Variants in XKR4 observed in about 807,000 individuals in gnomAD.
XKR4 encodes the protein XK related 4.
A neutral mutation model predicts 53.9 loss-of-function variants in XKR4; 12 were observed. The ratio of observed to expected loss-of-function variants is 0.22; its 90% confidence interval spans 0.14 to 0.36. XKR4 has a LOEUF of 0.36. Among genes scored for constraint, XKR4 ranks in the 10% least tolerant of loss-of-function variants. XKR4 has a pLI of 1.00. For missense variants in XKR4, 799 were observed against 859.5 expected (o/e 0.93, Z 0.88); for synonymous variants, 354 against 362.4 (o/e 0.98, Z 0.26).
intron 1 of XKR4, among the ~76,000 whole-genome samples, chr8:55,121,312 G>A (rs1563461241): frequency 3.9e-5 from 6 of 152,180 alleles, no homozygotes. Flanking sequence ...CAGAGTGGCT[G>A]TACCGTTTCA....
At chr8:55,131,892 C>A (rs1816559853) in intron 1 of XKR4, among the ~76,000 whole-genome samples, 1 of 152,154 alleles carries the variant, frequency 6.6e-6, no homozygotes, top group Admixed American at 6.5e-5. Flanking sequence ...ATATTTGTTA[C>A]AGTGAGCATG....
In XKR4 at chr8:55,525,112, A is replaced by G. The variant is rs1227756056; in HGVS notation, c.*885A>G. The G allele has an allele frequency of 3.3e-5, 5 of 152,768 alleles. No individual in the cohort carries two copies. The East Asian group carries it at 7.7e-4, about 24-fold the overall frequency. The allele number at this position is 152,768 out of a possible 1,614,324, so 9.5% of individuals were successfully genotyped here. ...TGATTCCCAGGCATGTGCAGCGCCC[A>G]TTGGGACATAACGGCAGTGCGGCGC... On this transcript the variant is annotated 3_prime_UTR_variant, in exon 3 of 3. Transcript: ENST00000327381.
chr8:55,460,835 C>T (rs142633489), intron 2 of XKR4, among the ~76,000 whole-genome samples: 386 of 152,358 alleles, frequency 2.5e-3, no homozygotes, highest in Admixed American at 4.9e-3. Flanking sequence ...GAAATTATAT[C>T]CCTCACATGG....
rs778823482 is a variant in XKR4, at chr8:55,102,863, C to T, written c.375C>T (p.Asp125=). 6.2e-7 allele frequency: 1 copy of T among 1,612,040 alleles called. No individual in the cohort carries two copies. Among genetic ancestry groups the T allele is most frequent in the Admixed American group, 1.7e-5 (1 of 60,022 alleles). The change falls in exon 1 of 3, where the codon GAC becomes GAT. Residue 125 remains aspartate (D), a synonymous_variant. Transcript: ENST00000327381. The surrounding 1 kb of genome is among the most constrained non-coding windows in gnomAD (Gnocchi z 5.1). ...ILAAVAVYFA[D]VGTDVWLAVD... ...CCGCCGTGGCCGTGTACTTCGCGGACGTGGGCACAGACGTCTGGCTCGCCG... is the reference window on the plus strand; with the variant it reads ...CCGCCGTGGCCGTGTACTTCGCGGATGTGGGCACAGACGTCTGGCTCGCCG...
chr8:55,207,276 C>T (rs1218022308), intron 1 of XKR4, among the ~76,000 whole-genome samples: 1 of 152,168 alleles, frequency 6.6e-6, no homozygotes, highest in Non-Finnish European at 1.5e-5. Flanking sequence ...GTGACCTGCC[C>T]AACACCCCTG....
intron 2 of XKR4, among the ~76,000 whole-genome samples, chr8:55,488,072 C>T (rs1263266446): frequency 2.0e-5 from 3 of 152,130 alleles, no homozygotes; most frequent in Non-Finnish European, 4.4e-5. Context: ...TTCTGTATTT[C>T]AACATACGGG....
intron 1 of XKR4, among the ~76,000 whole-genome samples, chr8:55,124,971 G>A (rs1411351295): frequency 2.0e-5 from 3 of 152,198 alleles, no homozygotes; most frequent in Admixed American, 6.5e-5. Flanking sequence ...ATTCATCAGA[G>A]TATTTAATAA....
intron 1 of XKR4, among the ~76,000 whole-genome samples, chr8:55,289,650 G>A (rs187545544): frequency 0.03 from 2,077 of 69,720 alleles, 40 homozygotes; most frequent in Non-Finnish European, 0.039. Context: ...AGAAAGAAAG[G>A]AAGGAAGGAA....
chr8:55,472,634 C>T (rs1354686567), intron 2 of XKR4, among the ~76,000 whole-genome samples: 19 of 152,054 alleles, frequency 1.2e-4, no homozygotes, highest in Admixed American at 1.2e-3. Flanking sequence ...CAGAGAGGAG[C>T]ACTTCGTAGA....
chr8:55,322,309 C>T (rs913263027), intron 1 of XKR4, among the ~76,000 whole-genome samples: 2 of 152,166 alleles, frequency 1.3e-5, no homozygotes, highest in Non-Finnish European at 2.9e-5. Context: ...TCTATCTTTA[C>T]CTGTATATAG....
intron 1 of XKR4, chr8:55,164,720 T>A (rs1242512893): frequency 3.8e-6 from 1 of 261,576 alleles, no homozygotes; most frequent in East Asian, 9.1e-5. Flanking sequence ...TGTATAATAA[T>A]ACCATTACCA....
chr8:55,265,904 G>A (rs1818593522), intron 1 of XKR4, among the ~76,000 whole-genome samples: 1 of 151,902 alleles, frequency 6.6e-6, no homozygotes, highest in Admixed American at 6.6e-5. Flanking sequence ...AGAATCGCTT[G>A]AACCTGGGAG....
chr8:55,172,137 C>G (rs1346216281), intron 1 of XKR4, among the ~76,000 whole-genome samples: 3 of 151,800 alleles, frequency 2.0e-5, no homozygotes, highest in African/African-American at 7.3e-5. Context: ...TCACTTGAAC[C>G]CAGGTTGTCG....
chr8:55,222,224 C>T, intron 1 of XKR4, among the ~76,000 whole-genome samples: 1 of 152,158 alleles, frequency 6.6e-6, no homozygotes, highest in East Asian at 1.9e-4. Context: ...CCCAGGGAAA[C>T]AAAAATTTAA....
rs374634174 is a variant in XKR4, at chr8:55,363,995, T to C, written c.1006+6118T>C. Among the ~76,000 whole-genome samples the C allele has an allele frequency of 8.5e-5, 13 of 152,310 alleles. No individual in the cohort carries two copies. In the South Asian group the frequency reaches 2.7e-3, roughly 32 times the overall value. On this transcript the variant is annotated intron_variant, in intron 2 of 2. Coordinates refer to ENST00000327381, the MANE Select transcript of XKR4 (RefSeq NM_052898.2). ...GACAGAACATATTTAGAAACACCCA[T>C]TTATCTGGGTGCATTCCAGACTGAG...
At chr8:55,398,295 A>T (rs543535096) in intron 2 of XKR4, among the ~76,000 whole-genome samples, 1 of 152,246 alleles carries the variant, frequency 6.6e-6, no homozygotes, top group South Asian at 2.1e-4. Context: ...GCCACCAAGC[A>T]CCCTCGCCAT....
At chr8:55,405,693 C>T (rs1804670334) in intron 2 of XKR4, among the ~76,000 whole-genome samples, 2 of 152,228 alleles carry the variant, frequency 1.3e-5, no homozygotes, top group South Asian at 4.1e-4. Context: ...TCTTCAACTC[C>T]CTTTGATAGT....
At chr8:55,518,629 G>A (rs1226155337) in intron 2 of XKR4, among the ~76,000 whole-genome samples, 1 of 152,174 alleles carries the variant, frequency 6.6e-6, no homozygotes, top group Non-Finnish European at 1.5e-5. Context: ...ATTGCTTCCA[G>A]GTATTTCATC....
chr8:55,305,902 T>A (rs573115504), intron 1 of XKR4, among the ~76,000 whole-genome samples: 1 of 152,352 alleles, frequency 6.6e-6, no homozygotes, highest in South Asian at 2.1e-4. Context: ...CTTTAAATTC[T>A]TAATTTTAAT....
Sources: gnomAD v4.1 joint callset for allele counts (sites outside exome capture counted in the v4.1 genomes callset) on GRCh38, gnomAD v4.1.1 for gene constraint, Gnocchi (gnomAD v3.1) non-coding constraint, MANE v1.5 for transcripts, NCBI Gene and HGNC (gene_info 2026-07-23, HGNC 2026-07-21) for gene names.